Variants in PRKCB observed in about 807,000 individuals in gnomAD.
PRKCB encodes protein kinase C beta.
In PRKCB, 13 loss-of-function variants were observed where a neutral mutation model predicts 81.5. The observed-to-expected ratio is 0.16, with a 90% CI of 0.10 to 0.25. PRKCB has a LOEUF of 0.25. Among genes scored for constraint, PRKCB ranks in the 10% least tolerant of loss-of-function variants. PRKCB has a pLI of 1.00. For missense variants in PRKCB, 509 were observed against 875.7 expected (o/e 0.58, Z 5.29); for synonymous variants, 335 against 321.4 (o/e 1.04, Z -0.45).
chr16:24,217,957 A>C lies in PRKCB; in HGVS notation c.*3141A>C. The C allele has an allele frequency of 1.0e-6, 1 of 985,404 alleles. No individual in the cohort carries two copies. Among genetic ancestry groups the C allele is most frequent in the Non-Finnish European group, 1.2e-6 (1 of 829,930 alleles). The allele number at this position is 985,404 out of a possible 1,614,324, so 61.0% of individuals were successfully genotyped here. On this transcript the variant is annotated 3_prime_UTR_variant, in exon 17 of 17. Transcript: ENST00000643927. ...AATCAATTCCATTGTTTTGCCTCAGAGTAAAGTTTCTGGCTCGGGGACAAT... is the reference window on the plus strand; with the variant it reads ...AATCAATTCCATTGTTTTGCCTCAGCGTAAAGTTTCTGGCTCGGGGACAAT...
intron 2 of PRKCB, among the ~76,000 whole-genome samples, chr16:23,934,182 G>T (rs1369550968): frequency 6.6e-6 from 1 of 152,130 alleles, no homozygotes; most frequent in African/African-American, 2.4e-5. Flanking sequence ...TAGGTCACGT[G>T]TAGAGAATTG....
intron 5 of PRKCB, among the ~76,000 whole-genome samples, chr16:24,039,422 G>A (rs922082482): frequency 1.3e-5 from 2 of 152,086 alleles, no homozygotes; most frequent in Admixed American, 6.5e-5. Flanking sequence ...TAGAGACGGA[G>A]TTTCACCATG....
chr16:24,217,717 A>C lies in PRKCB; in HGVS notation c.*2901A>C. 5 of 985,468 alleles carry C rather than the reference A, an allele frequency of 5.1e-6. No individual in the cohort carries two copies. The highest frequency in any genetic ancestry group is 6.0e-6 in the Non-Finnish European group (5 of 829,952). The allele number at this position is 985,468 out of a possible 1,614,324, so 61.0% of individuals were successfully genotyped here. On this transcript the variant is annotated 3_prime_UTR_variant, in exon 17 of 17. Transcript: ENST00000643927. Reference sequence around the variant, plus strand: ...TGGTCAGAAGGGAATCTTTGATAAGAGGCCCACAGGCAGGGAAAGCGAAAT... The same window carrying C: ...TGGTCAGAAGGGAATCTTTGATAAGCGGCCCACAGGCAGGGAAAGCGAAAT...
chr16:23,907,789 C>T (rs1963584272), intron 2 of PRKCB, among the ~76,000 whole-genome samples: 1 of 152,156 alleles, frequency 6.6e-6, no homozygotes, highest in Non-Finnish European at 1.5e-5. Flanking sequence ...CCTAGCCCTA[C>T]AGGTGAATCT....
chr16:24,082,688 C>T (rs1406342357), intron 5 of PRKCB, among the ~76,000 whole-genome samples: 2 of 152,140 alleles, frequency 1.3e-5, no homozygotes, highest in African/African-American at 2.4e-5. Flanking sequence ...CTCCATCTCA[C>T]ACCTTTTGCA....
chr16:23,877,033 C>T (rs7404417), intron 2 of PRKCB, among the ~76,000 whole-genome samples: 147,151 of 152,238 alleles, frequency 0.97, 71,152 homozygotes, highest in East Asian at 1. Flanking sequence ...GATGAAGAAC[C>T]AGGCTTTAGA....
intron 2 of PRKCB, among the ~76,000 whole-genome samples, chr16:23,879,192 G>A (rs1963065678): frequency 6.6e-6 from 1 of 151,932 alleles, no homozygotes; most frequent in South Asian, 2.1e-4. Flanking sequence ...AAAAAAAGAG[G>A]CAGTGTAGTG....
intron 2 of PRKCB, among the ~76,000 whole-genome samples, chr16:23,924,695 G>A (rs1963873582): frequency 6.6e-6 from 1 of 152,042 alleles, no homozygotes; most frequent in South Asian, 2.1e-4. Flanking sequence ...ATGGTGACTA[G>A]TTAATTCCAA....
At chr16:24,155,349 C>T (rs919124364) in intron 10 of PRKCB, among the ~76,000 whole-genome samples, 2 of 152,188 alleles carry the variant, frequency 1.3e-5, no homozygotes, top group African/African-American at 4.8e-5. Context: ...CTAGTGAGTT[C>T]AGAGCCATGG....
intron 10 of PRKCB, among the ~76,000 whole-genome samples, chr16:24,158,647 T>A (rs1237967070): frequency 1.3e-5 from 2 of 151,550 alleles, no homozygotes; most frequent in African/African-American, 4.9e-5. Flanking sequence ...TGTGTATGTG[T>A]GTGTATATGT....
intron 3 of PRKCB, among the ~76,000 whole-genome samples, chr16:24,021,460 C>A (rs1376117841): frequency 6.7e-6 from 1 of 149,516 alleles, no homozygotes; most frequent in Non-Finnish European, 1.5e-5. Flanking sequence ...ATCTGCCTGT[C>A]TTTGATGCTG....
intron 7 of PRKCB, among the ~76,000 whole-genome samples, chr16:24,108,277 T>A (rs1383723721): frequency 1.1e-5 from 1 of 87,828 alleles, no homozygotes; most frequent in Non-Finnish European, 2.4e-5. Flanking sequence ...AATCTTTTAT[T>A]TATTTATTTT....
At chr16:23,937,166 C>T (rs1257058689) in intron 2 of PRKCB, among the ~76,000 whole-genome samples, 1 of 152,212 alleles carries the variant, frequency 6.6e-6, no homozygotes, top group Non-Finnish European at 1.5e-5. Flanking sequence ...CAGGCACCAT[C>T]TGGTGTTTGT....
chr16:23,943,601 C>A (rs1318450296), intron 2 of PRKCB, among the ~76,000 whole-genome samples: 2 of 152,132 alleles, frequency 1.3e-5, no homozygotes, highest in Non-Finnish European at 2.9e-5. Context: ...AATATAAATT[C>A]TGTTTATTAA....
Position 24,185,459 on chromosome 16 carries a change from G to A in PRKCB, c.1615-1G>A. The A allele has an allele frequency of 6.2e-7, 1 of 1,613,342 alleles. No homozygotes were observed. Among genetic ancestry groups the A allele is most frequent in the Non-Finnish European group, 8.5e-7 (1 of 1,179,326 alleles). On this transcript the variant is annotated splice_acceptor_variant, in intron 14 of 16. Coordinates refer to ENST00000643927, the MANE Select transcript of PRKCB (RefSeq NM_002738.7). LOFTEE classifies it high-confidence loss of function. ...TCCTCCCACCCTCCCCTGTCATACA[G>A]GCACCCTTTGAAGGGGAGGATGAAG... is the stretch of plus-strand genomic sequence containing the variant.
At chr16:24,202,496 A>T (rs1967974212) in intron 16 of PRKCB, among the ~76,000 whole-genome samples, 1 of 152,178 alleles carries the variant, frequency 6.6e-6, no homozygotes. Context: ...CTTTAAAAAA[A>T]TGTGAAAAAA....
chr16:23,994,852 G>C (rs987918621), intron 3 of PRKCB, among the ~76,000 whole-genome samples: 2 of 152,190 alleles, frequency 1.3e-5, no homozygotes, highest in Non-Finnish European at 2.9e-5. Context: ...TACTTCAGGG[G>C]TATATCAACT....
chr16:24,119,702 C>T (rs1440857076), intron 8 of PRKCB, among the ~76,000 whole-genome samples: 2 of 152,130 alleles, frequency 1.3e-5, no homozygotes, highest in Admixed American at 6.5e-5. Context: ...GAGACGGCTT[C>T]TGTCCTACCC....
At chr16:23,999,756 C>T (rs1342363171) in intron 3 of PRKCB, among the ~76,000 whole-genome samples, 2 of 152,194 alleles carry the variant, frequency 1.3e-5, no homozygotes, top group African/African-American at 4.8e-5. Flanking sequence ...TGTGACATCT[C>T]AGAACAAGAA....
Sources: allele counts gnomAD v4.1 joint callset (sites outside exome capture counted in the v4.1 genomes callset), GRCh38; gene constraint gnomAD v4.1.1; transcripts MANE v1.5; gene names NCBI Gene and HGNC (gene_info 2026-07-23, HGNC 2026-07-21).